Variants in GLB1L observed in about 807,000 individuals in gnomAD.
GLB1L encodes galactosidase beta 1 like, also known as beta-galactosidase-1-like protein.
Under a neutral mutation model 75.7 loss-of-function variants are expected in GLB1L, and 58 were observed. That is an observed-to-expected ratio of 0.77 (90% CI 0.62 to 0.95). GLB1L has a LOEUF of 0.95. Among genes scored for constraint, GLB1L ranks in the 40% least tolerant of loss-of-function variants. The pLI, the probability that GLB1L is intolerant of heterozygous loss-of-function variation, is 0.00. For synonymous variants in GLB1L, 296 were observed against 303.0 expected (o/e 0.98, Z 0.24); for missense variants, 797 against 805.5 (o/e 0.99, Z 0.13).
At chr2:219,243,432 A>G in intron 2 of GLB1L, 70 bp downstream of exon 2, 2 of 1,602,180 alleles carry the variant, frequency 1.2e-6, no homozygotes, top group Admixed American at 1.7e-5. Flanking sequence ...GTTACTTTGG[A>G]CTTTCTCTCA....
At chr2:219,238,411 A>G (rs997799947) in intron 13 of GLB1L, 48 bp from the exon 14 acceptor site, 1 of 1,553,252 alleles carries the variant, frequency 6.4e-7, no homozygotes, top group Non-Finnish European at 8.8e-7. Context: ...ATAAAAGAGG[A>G]CACTGTGACT....
At chr2:219,241,457 T>TATATATAC in intron 5 of GLB1L, among the ~76,000 whole-genome samples, 1 of 139,310 alleles carries the variant, frequency 7.2e-6, no homozygotes, top group Non-Finnish European at 1.5e-5. Context: ...TATATATATA[T>TATATATAC]ATATATATAC....
In GLB1L at chr2:219,243,224, A is replaced by G. The variant is rs750413021; in HGVS notation, c.163T>C (p.Tyr55His). ...CAAAGCACCCGCGGTACCCGAAAGT[A>G]GTGCAGGCTGCCAGACACATAGCGG... Reference protein sequence around the residue: ...PFRYVSGSLHYFRVPRVLWAD... With the variant: ...PFRYVSGSLHHFRVPRVLWAD... The change falls in exon 3 of 17, where the codon TAC (tyrosine) becomes CAC (histidine). Residue 55 changes from tyrosine to histidine, a missense_variant. Coordinates refer to ENST00000295759, the MANE Select transcript of GLB1L (RefSeq NM_001286423.2). The G allele has an allele frequency of 3.7e-6, 6 of 1,614,178 alleles. No individual in the cohort carries two copies. In the South Asian group the frequency reaches 5.5e-5, roughly 15 times the overall value.
chr2:219,240,555 A>G (rs1951361091), intron 5 of GLB1L, among the ~76,000 whole-genome samples: 1 of 151,984 alleles, frequency 6.6e-6, no homozygotes. Context: ...CATCCTGGCC[A>G]ACATGGTGAA....
Position 219,242,870 on chromosome 2 carries a change from A to C in GLB1L, c.288T>G (p.Phe96Leu). The C allele has an allele frequency of 6.2e-7, 1 of 1,614,226 alleles. No homozygotes were observed. The highest frequency in any genetic ancestry group is 1.1e-5 in the South Asian group (1 of 91,086). Residue 96 changes from phenylalanine to leucine, a missense_variant, in exon 4 of 17, where the codon TTT (phenylalanine) becomes TTG (leucine). Phe to Leu is a conservative substitution (Grantham distance 22, BLOSUM62 0). Coordinates refer to ENST00000295759, the MANE Select transcript of GLB1L (RefSeq NM_001286423.2). ...YHEPQPGVYN[F>L]NGSRDLIAFL... ...AGGCAATGAGGTCCCGGCTGCCATTAAAGTTATAGACCCCAGGCTGTGGCT... is the reference window on the plus strand; with the variant it reads ...AGGCAATGAGGTCCCGGCTGCCATTCAAGTTATAGACCCCAGGCTGTGGCT...
intron 5 of GLB1L, 135 bp from the exon 6 acceptor site, chr2:219,240,420 G>T: frequency 1.3e-6 from 1 of 760,296 alleles, no homozygotes; most frequent in South Asian, 1.5e-5. Flanking sequence ...AATGAAATTT[G>T]AACATAGGAA....
chr2:219,238,044 G>A lies in GLB1L; in HGVS notation c.1342-87C>T, dbSNP rs894864743. 5 of 1,363,304 alleles carry A rather than the reference G, an allele frequency of 3.7e-6. 1 individual carries two copies. The highest frequency in any genetic ancestry group is 5.1e-6 in the Non-Finnish European group (5 of 974,198). The allele number at this position is 1,363,304 out of a possible 1,614,324, so 84.5% of individuals were successfully genotyped here. On this transcript the variant is annotated intron_variant, in intron 14 of 16. Transcript: ENST00000295759. ...AAACCACACATTAGGATACTTATTT[G>A]GAGGGCAGAGAGAATGTAGCCATCT... is the stretch of plus-strand genomic sequence containing the variant.
At chr2:219,243,791 C>A in intron 1 of GLB1L, 148 bp from the exon 2 acceptor site, 1 of 548,354 alleles carries the variant, frequency 1.8e-6, no homozygotes, top group Non-Finnish European at 3.3e-6. Context: ...GCTTCATCGA[C>A]ATCACCTGGG....
chr2:219,240,156 C>T, intron 6 of GLB1L, 35 bp downstream of exon 6: 2 of 1,613,400 alleles, frequency 1.2e-6, no homozygotes, highest in Non-Finnish European at 1.7e-6. Flanking sequence ...CCCCTTGTAC[C>T]TTCTTCCCCT....
chr2:219,245,444 C>T lies in GLB1L; in HGVS notation c.-286G>A. On this transcript the variant is annotated 5_prime_UTR_variant, in exon 1 of 17. Coordinates refer to ENST00000295759, the MANE Select transcript of GLB1L (RefSeq NM_001286423.2). Reference sequence around the variant, plus strand: ...GGATGCCCAGCGGTTGCTGAGATACCGCGGGCCGTTACGCCGGCGCGGACT... The same window carrying T: ...GGATGCCCAGCGGTTGCTGAGATACTGCGGGCCGTTACGCCGGCGCGGACT... 1 of 152,666 alleles carries T rather than the reference C, an allele frequency of 6.6e-6. No homozygotes were observed. The highest frequency in any genetic ancestry group is 2.0e-4 in the South Asian group (1 of 5,046). 9.5% of individuals were successfully genotyped at this position (152,666 alleles called of 1,614,324 possible). A position where few individuals can be genotyped will look rare whatever the true frequency, so the allele number is the denominator to read the frequency against.
chr2:219,238,458 G>T, intron 13 of GLB1L, 37 bp downstream of exon 13: 1 of 1,586,788 alleles, frequency 6.3e-7, no homozygotes, highest in East Asian at 2.2e-5. Context: ...TGTTAAGGGA[G>T]GTTGTCATCT....
chr2:219,237,993 C>A, intron 14 of GLB1L, 36 bp from the exon 15 acceptor site: 1 of 1,609,966 alleles, frequency 6.2e-7, no homozygotes, highest in Non-Finnish European at 8.5e-7. Context: ...CAAGGCTCAG[C>A]ATCTAGCTCT....
chr2:219,241,103 G>T (rs1035266059), intron 5 of GLB1L, among the ~76,000 whole-genome samples: 1 of 150,290 alleles, frequency 6.7e-6, no homozygotes, highest in Non-Finnish European at 1.5e-5. Flanking sequence ...CAATTATGCC[G>T]GGTGCGGCGG....
intron 5 of GLB1L, 146 bp downstream of exon 5, chr2:219,242,368 A>G (rs1951413594): frequency 1.4e-6 from 1 of 738,502 alleles, no homozygotes; most frequent in African/African-American, 1.8e-5. Context: ...CTGGTCCCCC[A>G]GTTTCTAGCA....
In GLB1L at chr2:219,239,607, T is replaced by C; in HGVS notation, c.856A>G (p.Thr286Ala). 1 of 1,614,196 alleles carries C rather than the reference T, an allele frequency of 6.2e-7. No individual in the cohort carries two copies. Among genetic ancestry groups the C allele is most frequent in the Non-Finnish European group, 8.5e-7 (1 of 1,180,028 alleles). Reference protein sequence around the residue: ...NHSTRSVSAVTKGLENMLKLG... With the variant: ...NHSTRSVSAVAKGLENMLKLG... ...TTGAGCATGTTCTCTAGTCCTTTGG[T>C]TACAGCTGACACAGACCGTGTGGAG... The change falls in exon 9 of 17, where the codon ACC (threonine) becomes GCC (alanine). Residue 286 changes from threonine to alanine, a missense_variant. Coordinates refer to ENST00000295759, the MANE Select transcript of GLB1L (RefSeq NM_001286423.2).
Position 219,238,357 on chromosome 2 carries a change from C to T in GLB1L, c.1234G>A (p.Gly412Ser), listed in dbSNP as rs754927168. 6.2e-7 allele frequency: 1 copy of T among 1,604,454 alleles called. No homozygotes were observed. The highest frequency in any genetic ancestry group is 1.1e-5 in the South Asian group (1 of 90,076). Residue 412 changes from glycine (G) to serine (S), a missense_variant, in exon 14 of 17, where the codon GGC becomes AGC. Physicochemically the swap from Gly to Ser is moderately conservative, Grantham distance 56 (BLOSUM62 0). Transcript: ENST00000295759. ...ATATAGGTTCGGTACAACATGAAGC[C>T]ATGGTCCTGGGTATGGAAGAATGAG... ...MTFEAVKQDH[G>S]FMLYRTYMTH...
intron 10 of GLB1L, 99 bp from the exon 11 acceptor site, chr2:219,239,309 A>T: frequency 6.8e-7 from 1 of 1,465,110 alleles, no homozygotes; most frequent in Non-Finnish European, 9.4e-7. Flanking sequence ...GAGGGGGCAG[A>T]GGTGGCCATA....
In GLB1L at chr2:219,243,201, A is replaced by T. The variant is rs771469251; in HGVS notation, c.186T>A (p.Leu62=). ...GCATCTTCAAAAGCCGGTCGGCCCA[A>T]AGCACCCGCGGTACCCGAAAGTAGT... ...SLHYFRVPRV[L]WADRLLKMRW... is the part of the protein sequence containing the mutation. Residue 62 remains leucine, a synonymous_variant, in exon 3 of 17, where the codon CTT becomes CTA. Transcript: ENST00000295759. 23 of 1,613,910 alleles carry T rather than the reference A, an allele frequency of 1.4e-5. No individual in the cohort carries two copies. The highest frequency in any genetic ancestry group is 1.9e-5 in the Non-Finnish European group (23 of 1,179,944).
chr2:219,241,442 G>GTGTGTATATA (rs1382897637), intron 5 of GLB1L, among the ~76,000 whole-genome samples: 1 of 82,890 alleles, frequency 1.2e-5, no homozygotes, highest in Admixed American at 1.8e-4. Context: ...GTGTGTGTGT[G>GTGTGTATATA]TATATATATA....
Sources: gnomAD v4.1 joint callset for allele counts (sites outside exome capture counted in the v4.1 genomes callset) on GRCh38, gnomAD v4.1.1 for gene constraint, MANE v1.5 for transcripts, NCBI Gene and HGNC (gene_info 2026-07-23, HGNC 2026-07-21) for gene names.